Variants in CTNNA3 observed in about 807,000 individuals in gnomAD.
CTNNA3 encodes the protein catenin alpha 3.
In CTNNA3, 76 loss-of-function variants were observed where a neutral mutation model predicts 95.7. The ratio of observed to expected loss-of-function variants is 0.79; its 90% CI spans 0.66 to 0.96. The LOEUF is 0.96. CTNNA3 is among the 40% of genes least tolerant of loss of function. The pLI is 0.00. For synonymous variants in CTNNA3, 431 were observed against 374.4 expected (o/e 1.15, Z -1.74); for missense variants, 1,191 against 1,089.8 (o/e 1.09, Z -1.31).
chr10:67,667,047 C>A (rs1423285778), intron 1 of CTNNA3, among the ~76,000 whole-genome samples: 1 of 152,132 alleles, frequency 6.6e-6, no homozygotes, highest in Non-Finnish European at 1.5e-5. Flanking sequence ...GAAAACAGAA[C>A]TAAATTACAG....
chr10:66,150,147 G>T (rs1472506926), intron 13 of CTNNA3, among the ~76,000 whole-genome samples: 1 of 152,236 alleles, frequency 6.6e-6, no homozygotes, highest in Non-Finnish European at 1.5e-5. Context: ...GGGGAACCCC[G>T]TGGGAGGTGA....
chr10:66,298,604 T>C (rs973365943), intron 12 of CTNNA3, among the ~76,000 whole-genome samples: 3 of 152,164 alleles, frequency 2.0e-5, no homozygotes, highest in Admixed American at 6.5e-5. Flanking sequence ...GAAATCACCA[T>C]TTCCCTTTCG....
chr10:66,271,906 CTT>C (rs1386856063), intron 13 of CTNNA3, among the ~76,000 whole-genome samples: 1 of 152,152 alleles, frequency 6.6e-6, no homozygotes, highest in Non-Finnish European at 1.5e-5. Flanking sequence ...TCCTGAATAT[CTT>C]TTTCTTACTC....
At chr10:67,057,165 T>C (rs906699628) in intron 7 of CTNNA3, among the ~76,000 whole-genome samples, 3 of 152,164 alleles carry the variant, frequency 2.0e-5, no homozygotes, top group Admixed American at 6.6e-5. Context: ...AATTGACAAA[T>C]AGAAAGAGTT....
In CTNNA3 at chr10:67,598,611, C is replaced by A. The variant is rs1488455841; in HGVS notation, c.292+8246G>T. On this transcript the variant is annotated intron_variant, in intron 3 of 17. Transcript: ENST00000433211. ...CTCCCAAAACAACTATTTCAAGGCA[C>A]CTGACAAGGACAGAAAGAAAAAAGA... 2.0e-5 allele frequency among the ~76,000 whole-genome samples: 3 copies of A among 152,150 alleles called. No individual in the cohort carries two copies. The East Asian group carries it at 5.8e-4, about 29-fold the overall frequency.
At chr10:66,852,205 T>C (rs1428480594) in intron 7 of CTNNA3, among the ~76,000 whole-genome samples, 1 of 152,184 alleles carries the variant, frequency 6.6e-6, no homozygotes, top group East Asian at 1.9e-4. Flanking sequence ...ATGGTACAGG[T>C]ACCTTCTACT....
At chr10:66,434,598 C>T (rs540732265) in intron 11 of CTNNA3, among the ~76,000 whole-genome samples, 21 of 152,250 alleles carry the variant, frequency 1.4e-4, no homozygotes, top group African/African-American at 4.8e-4. Context: ...CAAACAGAGA[C>T]AATTTGACCT....
At chr10:66,333,034 T>G (rs1589102474) in intron 12 of CTNNA3, among the ~76,000 whole-genome samples, 1 of 152,246 alleles carries the variant, frequency 6.6e-6, no homozygotes, top group East Asian at 1.9e-4. Context: ...TATAGTATTC[T>G]CTGATGGTAG....
intron 12 of CTNNA3, among the ~76,000 whole-genome samples, chr10:66,294,565 G>T (rs1250290589): frequency 6.6e-6 from 1 of 152,146 alleles, no homozygotes; most frequent in Non-Finnish European, 1.5e-5. Context: ...AAGTTAGGAG[G>T]TTTTAGAGTA....
At chr10:66,708,588 T>C (rs949671545) in intron 9 of CTNNA3, among the ~76,000 whole-genome samples, 1 of 151,920 alleles carries the variant, frequency 6.6e-6, no homozygotes, top group African/African-American at 2.4e-5. Flanking sequence ...CTTCAACATA[T>C]GAATGAGGAG....
At chr10:66,680,375 A>G (rs1444821884) in intron 9 of CTNNA3, among the ~76,000 whole-genome samples, 2 of 152,076 alleles carry the variant, frequency 1.3e-5, no homozygotes, top group Non-Finnish European at 2.9e-5. Context: ...ATAAAAAATA[A>G]TACTTACACA....
intron 5 of CTNNA3, among the ~76,000 whole-genome samples, chr10:67,259,954 C>A (rs1429483976): frequency 6.6e-6 from 1 of 152,118 alleles, no homozygotes; most frequent in Non-Finnish European, 1.5e-5. Flanking sequence ...AATTATCATA[C>A]CATATATACT....
chr10:66,294,829 T>C (rs957981453), intron 12 of CTNNA3, among the ~76,000 whole-genome samples: 10 of 152,106 alleles, frequency 6.6e-5, no homozygotes, highest in African/African-American at 9.7e-5. Context: ...AATAAGAGTC[T>C]ATTCACGTTG....
chr10:67,224,482 C>A (rs1410550303), intron 5 of CTNNA3, among the ~76,000 whole-genome samples: 1 of 152,166 alleles, frequency 6.6e-6, no homozygotes, highest in Non-Finnish European at 1.5e-5. Context: ...GACCCACAGA[C>A]CCTTTGAAGG....
intron 7 of CTNNA3, among the ~76,000 whole-genome samples, chr10:67,110,109 C>A (rs1187100529): frequency 6.6e-6 from 1 of 152,118 alleles, no homozygotes; most frequent in Non-Finnish European, 1.5e-5. Flanking sequence ...TAGTTTTCTA[C>A]AGGGTGGCAC....
intron 10 of CTNNA3, among the ~76,000 whole-genome samples, chr10:66,586,578 G>C (rs1354201843): frequency 6.6e-6 from 1 of 152,100 alleles, no homozygotes; most frequent in African/African-American, 2.4e-5. Flanking sequence ...GAACCTGTAT[G>C]GCACACTTCC....
At chr10:65,924,645 A>G (rs867049647) in intron 17 of CTNNA3, among the ~76,000 whole-genome samples, 7 of 152,084 alleles carry the variant, frequency 4.6e-5, no homozygotes, top group South Asian at 2.1e-4. Context: ...GAACAAAATT[A>G]TCCATTTCCC....
intron 9 of CTNNA3, among the ~76,000 whole-genome samples, chr10:66,675,814 T>C (rs541677267): frequency 6.6e-6 from 1 of 152,092 alleles, no homozygotes; most frequent in Non-Finnish European, 1.5e-5. Flanking sequence ...ATCTTCAGCC[T>C]AATACATGAA....
rs893957723 is a variant in CTNNA3 at position 66,569,642 on chromosome 10, C to T, written c.1375-48869G>A. Among the ~76,000 whole-genome samples, 81 of 152,034 alleles carry T rather than the reference C, an allele frequency of 5.3e-4. 1 individual carries two copies. Among genetic ancestry groups the T allele is most frequent in the African/African-American group, 1.8e-3 (73 of 41,374 alleles). ...AACTTTGATGGTAGGTGTTAGCATC[C>T]TGTTGGGTCCCAGAGAATGCACTTC... On this transcript the variant is annotated intron_variant, in intron 10 of 17. Coordinates refer to ENST00000433211, the MANE Select transcript of CTNNA3 (RefSeq NM_013266.4).
Sources: allele counts gnomAD v4.1 joint callset (sites outside exome capture counted in the v4.1 genomes callset), GRCh38; gene constraint gnomAD v4.1.1; transcripts MANE v1.5; gene names NCBI Gene and HGNC (gene_info 2026-07-23, HGNC 2026-07-21).